Variants in PARP8 observed in about 807,000 individuals in gnomAD.
The protein encoded by PARP8 is protein mono-ADP-ribosyltransferase PARP8.
Under a neutral mutation model 124.1 loss-of-function variants are expected in PARP8, and 51 were observed. The observed-to-expected ratio is 0.41, with a 90% confidence interval of 0.33 to 0.52. PARP8 has a LOEUF of 0.52. Among genes scored for constraint, PARP8 ranks in the 20% least tolerant of loss-of-function variants. PARP8 has a pLI of 0.21. For synonymous variants in PARP8, 391 were observed against 361.5 expected (o/e 1.08, Z -0.93); for missense variants, 860 against 1,018.9 (o/e 0.84, Z 2.12).
intron 2 of PARP8, among the ~76,000 whole-genome samples, chr5:50,698,585 C>T (rs1049214713): frequency 2.0e-5 from 3 of 151,918 alleles, no homozygotes; most frequent in African/African-American, 7.3e-5. Flanking sequence ...ACAATTTTTT[C>T]CCCCCAAAGC....
chr5:50,760,690 T>C (rs922636744), intron 5 of PARP8, among the ~76,000 whole-genome samples: 2 of 152,146 alleles, frequency 1.3e-5, no homozygotes, highest in African/African-American at 4.8e-5. Context: ...CACGTGGCTA[T>C]ACATAATTTT....
At chr5:50,782,390 C>A (rs1361693395) in intron 9 of PARP8, among the ~76,000 whole-genome samples, 4 of 152,056 alleles carry the variant, frequency 2.6e-5, no homozygotes, top group Non-Finnish European at 4.4e-5. Flanking sequence ...GTAAACTCCC[C>A]AAGAGATTTT....
Position 50,667,068 on chromosome 5 carries a change from G to A in PARP8, c.-28G>A, listed in dbSNP as rs1476350661. ...GGGGGTGGGGTGGGGTGGAAATAGC[G>A]GCTGCTTCTTTTCCAGGGATTTATT... is the stretch of plus-strand genomic sequence containing the variant. On this transcript the variant is annotated 5_prime_UTR_variant, in exon 1 of 26. Coordinates refer to ENST00000281631, the MANE Select transcript of PARP8 (RefSeq NM_024615.4). The A allele has an allele frequency of 1.3e-6, 2 of 1,596,020 alleles. No homozygotes were observed. Among genetic ancestry groups the A allele is most frequent in the Non-Finnish European group, 1.7e-6 (2 of 1,179,642 alleles).
chr5:50,776,779 A>C (rs1740078500), intron 7 of PARP8, among the ~76,000 whole-genome samples: 2 of 152,202 alleles, frequency 1.3e-5, no homozygotes, highest in Admixed American at 1.3e-4. Flanking sequence ...TCTGAACTCT[A>C]TAAAAGTGCC....
intron 2 of PARP8, among the ~76,000 whole-genome samples, chr5:50,728,208 G>T (rs1239391139): frequency 6.6e-6 from 1 of 152,064 alleles, no homozygotes; most frequent in African/African-American, 2.4e-5. Context: ...TATTTCTAAG[G>T]CATTTCCCTG....
chr5:50,789,721 G>A (rs763906761), intron 10 of PARP8, among the ~76,000 whole-genome samples: 6 of 152,060 alleles, frequency 3.9e-5, no homozygotes, highest in Non-Finnish European at 5.9e-5. Context: ...AATTCCTAGA[G>A]GATTATTCTT....
At chr5:50,781,978 C>A (rs1360250908) in intron 9 of PARP8, among the ~76,000 whole-genome samples, 1 of 152,156 alleles carries the variant, frequency 6.6e-6, no homozygotes, top group African/African-American at 2.4e-5. Context: ...CCCTTGTCTG[C>A]ACTCAGGGTC....
rs772666906 is a variant in PARP8, at chr5:50,759,719, T to C, written c.261T>C (p.His87=). The change falls in exon 4 of 26, where the codon CAT becomes CAC. Residue 87 remains histidine (H), a synonymous_variant. Coordinates refer to ENST00000281631, the MANE Select transcript of PARP8 (RefSeq NM_024615.4). ...VTTEPIPVIF[H]RIATELRKTN... ...CAGAGCCAATACCAGTAATTTTTCA[T>C]AGAATAGCAACAGGTAATAGTAGTA... 35 of 1,580,808 alleles carry C rather than the reference T, an allele frequency of 2.2e-5. No homozygotes were observed. The highest frequency in any genetic ancestry group is 2.9e-5 in the Non-Finnish European group (34 of 1,168,730).
At chr5:50,798,022 T>G (rs1212370727) in intron 14 of PARP8, among the ~76,000 whole-genome samples, 1 of 152,188 alleles carries the variant, frequency 6.6e-6, no homozygotes, top group African/African-American at 2.4e-5. Context: ...TTTCTATGGA[T>G]TTGGTCATTC....
At chr5:50,744,456 T>C (rs535359509) in intron 2 of PARP8, among the ~76,000 whole-genome samples, 7 of 152,266 alleles carry the variant, frequency 4.6e-5, no homozygotes, top group African/African-American at 1.4e-4. Context: ...CCTTTAGAAG[T>C]TGTTGGCTAT....
chr5:50,763,301 C>A, intron 7 of PARP8, 59 bp downstream of exon 7: 2 of 1,356,832 alleles, frequency 1.5e-6, no homozygotes, highest in Non-Finnish European at 2.1e-6. Context: ...TTGAAATTTA[C>A]TTTTGGAGTA....
intron 13 of PARP8, 49 bp downstream of exon 13, chr5:50,797,081 G>A: frequency 6.2e-7 from 1 of 1,608,460 alleles, no homozygotes; most frequent in African/African-American, 1.3e-5. Flanking sequence ...GTTCTTACGG[G>A]GTTTTTAAAT....
chr5:50,807,667 A>G (rs1401829561), intron 14 of PARP8, among the ~76,000 whole-genome samples: 2 of 152,104 alleles, frequency 1.3e-5, no homozygotes, highest in Admixed American at 6.6e-5. Context: ...GTGGATTGGT[A>G]TAATGGTGTG....
At chr5:50,830,102 CAA>C (rs893480909) in intron 22 of PARP8, 141 bp downstream of exon 22, 1 of 996,978 alleles carries the variant, frequency 1.0e-6, no homozygotes, top group African/African-American at 1.7e-5. Context: ...AAAGCAAAAA[CAA>C]AGCCCATTTT....
At chr5:50,752,473 T>C (rs1350134901) in intron 3 of PARP8, among the ~76,000 whole-genome samples, 2 of 152,090 alleles carry the variant, frequency 1.3e-5, no homozygotes, top group Non-Finnish European at 2.9e-5. Context: ...AAAGTTTCTA[T>C]GTTGGTGAAA....
chr5:50,828,747 A>G (rs1239387608), intron 21 of PARP8, among the ~76,000 whole-genome samples: 3 of 150,768 alleles, frequency 2.0e-5, no homozygotes, highest in Non-Finnish European at 4.4e-5. Flanking sequence ...ATATATATAT[A>G]TTTATCCAGG....
chr5:50,700,562 T>G (rs1463162036), intron 2 of PARP8, among the ~76,000 whole-genome samples: 4 of 152,224 alleles, frequency 2.6e-5, no homozygotes, highest in Non-Finnish European at 5.9e-5. Flanking sequence ...GCAGTGAAAT[T>G]GGAGACTTAA....
intron 2 of PARP8, among the ~76,000 whole-genome samples, chr5:50,746,585 A>G (rs1028815377): frequency 3.9e-5 from 6 of 152,198 alleles, no homozygotes; most frequent in Non-Finnish European, 5.9e-5. Context: ...AAAATGTTCA[A>G]GTTCCTTTGT....
Position 50,845,463 on chromosome 5 carries a change from A to T in PARP8, c.*3395A>T, listed in dbSNP as rs1748544462. The T allele has an allele frequency of 6.6e-6, 1 of 151,760 alleles. No homozygotes were observed. Among genetic ancestry groups the T allele is most frequent in the Admixed American group, 6.6e-5 (1 of 15,180 alleles). The allele number at this position is 151,760 out of a possible 1,614,324, so 9.4% of individuals were successfully genotyped here. A position where few individuals can be genotyped will look rare whatever the true frequency, so the allele number is the denominator to read the frequency against. ...TTATGATGTTCTATTGTCTTGCTGA[A>T]TTCTTTATTATAACACTACCTCAAG... On this transcript the variant is annotated 3_prime_UTR_variant, in exon 26 of 26. Transcript: ENST00000281631.
Sources: allele counts gnomAD v4.1 joint callset (sites outside exome capture counted in the v4.1 genomes callset), GRCh38; gene constraint gnomAD v4.1.1; transcripts MANE v1.5; gene names NCBI Gene and HGNC (gene_info 2026-07-23, HGNC 2026-07-21).